Variants in SGCZ observed in about 807,000 individuals in gnomAD.
SGCZ encodes the protein zeta-sarcoglycan.
Under a neutral mutation model 41.3 loss-of-function variants are expected in SGCZ, and 40 were observed. The observed-to-expected ratio is 0.97, with a 90% CI of 0.75 to 1.26. The LOEUF is 1.26. Among genes scored for constraint, SGCZ ranks in the 50% most tolerant of loss-of-function variants. SGCZ has a pLI of 0.00. For synonymous variants in SGCZ, 206 were observed against 137.5 expected, an observed-to-expected ratio of 1.50 and a Z score of -3.49; for missense variants, 552 against 369.8, an observed-to-expected ratio of 1.49 and a Z score of -4.04.
At chr8:14,264,509 G>T (rs1241216126) in intron 3 of SGCZ, among the ~76,000 whole-genome samples, 2 of 152,140 alleles carry the variant, frequency 1.3e-5, no homozygotes. Flanking sequence ...CCTCAGCTTA[G>T]GCTGCCATCT....
chr8:14,941,753 T>C (rs1245266669), intron 1 of SGCZ, among the ~76,000 whole-genome samples: 2 of 151,840 alleles, frequency 1.3e-5, no homozygotes, highest in Non-Finnish European at 2.9e-5. Context: ...CTTGATTTTT[T>C]GCATAAAACA....
chr8:14,978,470 CAAAAAAAAAAAAAAAAAAAAAA>C (rs59543494), intron 1 of SGCZ, among the ~76,000 whole-genome samples: 22 of 62,824 alleles, frequency 3.5e-4, no homozygotes, highest in Admixed American at 5.3e-4. Context: ...GACACCGTCA[CAAAAAAAAAAAAAAAAAAAAAA>C]AAAAAAAAAA....
chr8:14,451,384 C>G (rs1800589032), intron 2 of SGCZ, among the ~76,000 whole-genome samples: 1 of 152,150 alleles, frequency 6.6e-6, no homozygotes, highest in Non-Finnish European at 1.5e-5. Flanking sequence ...TTTCAGGGTA[C>G]AGTGTTACTG....
chr8:15,149,111 G>A (rs750626595), intron 1 of SGCZ, among the ~76,000 whole-genome samples: 22 of 152,140 alleles, frequency 1.4e-4, no homozygotes, highest in African/African-American at 4.6e-4. Context: ...TGCAATCACC[G>A]GTGGTCCTTC....
chr8:14,979,462 C>G (rs1367860658), intron 1 of SGCZ, among the ~76,000 whole-genome samples: 2 of 152,266 alleles, frequency 1.3e-5, no homozygotes, highest in Admixed American at 6.5e-5. Flanking sequence ...CTTACATAAT[C>G]TCTTTTGGAA....
chr8:14,675,365 C>A lies in SGCZ; in HGVS notation c.40-120439G>T, dbSNP rs145085823. Among the ~76,000 whole-genome samples the A allele has an allele frequency of 4.4e-3, 668 of 151,856 alleles. 11 individuals are homozygous for A. Among genetic ancestry groups the A allele is most frequent in the African/African-American group, 0.016 (642 of 41,408 alleles). ...CAAACATTTCTCTCTTTAGAATGTA[C>A]AACATATATTTATTGTTTCAGAAAG... is the stretch of plus-strand genomic sequence containing the variant. On this transcript the variant is annotated intron_variant, in intron 1 of 7. Coordinates refer to ENST00000382080, the MANE Select transcript of SGCZ (RefSeq NM_139167.4).
At chr8:14,863,015 T>C (rs947510984) in intron 1 of SGCZ, among the ~76,000 whole-genome samples, 1 of 152,100 alleles carries the variant, frequency 6.6e-6, no homozygotes, top group East Asian at 1.9e-4. Flanking sequence ...TCAATCAATT[T>C]TTGAAATCAT....
intron 2 of SGCZ, among the ~76,000 whole-genome samples, chr8:14,488,246 T>C (rs1167419268): frequency 6.6e-6 from 1 of 152,250 alleles, no homozygotes; most frequent in Non-Finnish European, 1.5e-5. Flanking sequence ...ACATTTGTTG[T>C]CCTTTTATTA....
At chr8:14,285,017 T>A (rs992456853) in intron 3 of SGCZ, among the ~76,000 whole-genome samples, 1 of 152,168 alleles carries the variant, frequency 6.6e-6, no homozygotes, top group African/African-American at 2.4e-5. Context: ...AAATTTTCCC[T>A]CTTTTATATT....
chr8:14,636,055 A>T (rs1447523845), intron 1 of SGCZ, among the ~76,000 whole-genome samples: 1 of 151,546 alleles, frequency 6.6e-6, no homozygotes, highest in African/African-American at 2.4e-5. Context: ...GACGAAACTA[A>T]CCTAGTAAAG....
At chr8:14,616,315 AC>A (rs1244462966) in intron 1 of SGCZ, among the ~76,000 whole-genome samples, 5 of 151,792 alleles carry the variant, frequency 3.3e-5, no homozygotes, top group African/African-American at 1.2e-4. Context: ...AAAACCCTGA[AC>A]TAGACTGATG....
intron 1 of SGCZ, among the ~76,000 whole-genome samples, chr8:14,726,341 T>TATATATATATATATATATAA (rs1426005706): frequency 6.9e-6 from 1 of 144,534 alleles, no homozygotes; most frequent in Non-Finnish European, 1.5e-5. Context: ...TATATATATA[T>TATATATATATATATATATAA]AAAATTAGAT....
intron 7 of SGCZ, among the ~76,000 whole-genome samples, chr8:14,096,457 A>G (rs141274426): frequency 1.3e-5 from 2 of 152,186 alleles, no homozygotes; most frequent in Non-Finnish European, 2.9e-5. Context: ...GATGAAGCCA[A>G]CTTGATCGTG....
chr8:14,452,851 C>T (rs956753855), intron 2 of SGCZ, among the ~76,000 whole-genome samples: 2 of 152,054 alleles, frequency 1.3e-5, no homozygotes, highest in Non-Finnish European at 2.9e-5. Flanking sequence ...TGTACAAATC[C>T]CAGCACCTTG....
chr8:14,472,966 G>C (rs537709856), intron 2 of SGCZ, among the ~76,000 whole-genome samples: 1 of 152,030 alleles, frequency 6.6e-6, no homozygotes, highest in African/African-American at 2.4e-5. Flanking sequence ...TGCAAGACCC[G>C]GTTGGTGTTA....
At chr8:14,615,868 AT>A (rs1385550383) in intron 1 of SGCZ, among the ~76,000 whole-genome samples, 46 of 152,264 alleles carry the variant, frequency 3.0e-4, no homozygotes, top group African/African-American at 1.1e-3. Flanking sequence ...ATCCCATTCA[AT>A]TCTATCCTGG....
At chr8:14,610,680 G>A (rs887609977) in intron 1 of SGCZ, among the ~76,000 whole-genome samples, 32 of 152,194 alleles carry the variant, frequency 2.1e-4, no homozygotes, top group African/African-American at 7.7e-4. Context: ...ATGATATAAG[G>A]CAGAAAATAT....
intron 1 of SGCZ, among the ~76,000 whole-genome samples, chr8:14,705,986 G>A (rs892944239): frequency 2.0e-5 from 3 of 151,826 alleles, no homozygotes; most frequent in African/African-American, 7.3e-5. Context: ...GAATAGCTTA[G>A]AATCATAATA....
At chr8:15,041,489 C>T (rs553775530) in intron 1 of SGCZ, among the ~76,000 whole-genome samples, 1 of 151,874 alleles carries the variant, frequency 6.6e-6, no homozygotes, top group East Asian at 1.9e-4. Flanking sequence ...GGCTTATTTT[C>T]TTTATATGGT....
Sources: gnomAD v4.1 joint callset for allele counts (sites outside exome capture counted in the v4.1 genomes callset) on GRCh38, gnomAD v4.1.1 for gene constraint, MANE v1.5 for transcripts, NCBI Gene and HGNC (gene_info 2026-07-23, HGNC 2026-07-21) for gene names.